GAB1: variants seen among roughly 807,000 people sequenced by gnomAD.
GAB1 encodes GRB2-associated-binding protein 1.
GAB1 carries 19 observed loss-of-function variants against 66.5 expected under a neutral mutation model. The observed-to-expected ratio is 0.29, with a 90% CI of 0.20 to 0.42. The LOEUF is 0.42. GAB1 is among the 10% of genes least tolerant of loss of function. The pLI, the probability that GAB1 is intolerant of heterozygous loss-of-function variation, is 1.00. For synonymous variants in GAB1, 294 were observed against 301.4 expected (o/e 0.98, Z 0.25); for missense variants, 732 against 858.5 (o/e 0.85, Z 1.84).
At chr4:143,425,985 T>A in intron 2 of GAB1, 1 of 678,180 alleles carries the variant, frequency 1.5e-6, no homozygotes, top group Non-Finnish European at 2.5e-6. Context: ...AGTATCTAAA[T>A]AAAAAAAATT....
chr4:143,369,569 G>A (rs1191907794), intron 1 of GAB1, among the ~76,000 whole-genome samples: 4 of 152,118 alleles, frequency 2.6e-5, no homozygotes, highest in Non-Finnish European at 4.4e-5. Flanking sequence ...AAAGTTTTGT[G>A]GTGTTTGCTG....
chr4:143,370,371 T>C (rs1730067085), intron 1 of GAB1, among the ~76,000 whole-genome samples: 1 of 152,140 alleles, frequency 6.6e-6, no homozygotes, highest in Non-Finnish European at 1.5e-5. Context: ...CTCCAGCCAT[T>C]GTCCCTTTTG....
intron 1 of GAB1, among the ~76,000 whole-genome samples, chr4:143,356,081 C>G (rs1013903680): frequency 2.0e-5 from 3 of 150,340 alleles, no homozygotes; most frequent in Non-Finnish European, 4.4e-5. Context: ...GGGTCGGGGC[C>G]GGGGGGAGAC....
intron 2 of GAB1, among the ~76,000 whole-genome samples, chr4:143,416,406 T>C (rs1732691046): frequency 6.6e-6 from 1 of 151,572 alleles, no homozygotes; most frequent in African/African-American, 2.4e-5. Context: ...AGACTCCGTC[T>C]CAAAAAAAAA....
intron 1 of GAB1, among the ~76,000 whole-genome samples, chr4:143,367,738 TTTTGGAGACAGAGTC>T (rs1729948796): frequency 6.7e-6 from 1 of 148,754 alleles, no homozygotes; most frequent in South Asian, 2.2e-4. Context: ...TTTTTTTTTT[TTTTGGAGACAGAGTC>T]TTGCTGTGTT....
At chr4:143,345,369 C>T (rs1014395822) in intron 1 of GAB1, among the ~76,000 whole-genome samples, 1 of 152,144 alleles carries the variant, frequency 6.6e-6, no homozygotes, top group African/African-American at 2.4e-5. Flanking sequence ...AAAACAATGT[C>T]CTAAGAGGAA....
intron 2 of GAB1, among the ~76,000 whole-genome samples, chr4:143,428,038 C>G (rs745904348): frequency 6.6e-6 from 1 of 152,206 alleles, no homozygotes; most frequent in Non-Finnish European, 1.5e-5. Context: ...AATATGTGCT[C>G]TTACCCACAT....
chr4:143,430,656 T>C (rs1009756193), intron 2 of GAB1, among the ~76,000 whole-genome samples: 1 of 152,232 alleles, frequency 6.6e-6, no homozygotes, highest in Admixed American at 6.5e-5. Flanking sequence ...GCCAAAATGA[T>C]GACTCAAATT....
intron 1 of GAB1, among the ~76,000 whole-genome samples, chr4:143,390,378 G>C (rs1331390825): frequency 6.6e-6 from 1 of 151,462 alleles, no homozygotes; most frequent in East Asian, 1.9e-4. Flanking sequence ...ATCTCAATTA[G>C]AGTGAGATAA....
At chr4:143,465,607 T>C (rs1223577467) in intron 8 of GAB1, among the ~76,000 whole-genome samples, 2 of 152,196 alleles carry the variant, frequency 1.3e-5, no homozygotes, top group Non-Finnish European at 2.9e-5. Flanking sequence ...ATACGTTCTT[T>C]AGAATGTATG....
intron 1 of GAB1, among the ~76,000 whole-genome samples, chr4:143,364,868 CTTTTTTTTTTTTTTTTTT>C (rs745401852): frequency 1.2e-5 from 1 of 86,770 alleles, no homozygotes; most frequent in Non-Finnish European, 2.2e-5. Context: ...CCTGCATCTA[CTTTTTTTTTTTTTTTTTT>C]TTTTTTTTGG....
intron 1 of GAB1, among the ~76,000 whole-genome samples, chr4:143,373,606 A>G (rs13119474): frequency 0.02 from 3,046 of 152,216 alleles, 46 homozygotes; most frequent in Non-Finnish European, 0.033. Flanking sequence ...AGGTAGGCAG[A>G]TCACTTGAGC....
chr4:143,382,717 T>G (rs970823668), intron 1 of GAB1, among the ~76,000 whole-genome samples: 1 of 152,094 alleles, frequency 6.6e-6, no homozygotes, highest in Admixed American at 6.5e-5. Flanking sequence ...TGGAGGATCA[T>G]ATGACCAATA....
chr4:143,441,165 A>T (rs943734585), intron 6 of GAB1, among the ~76,000 whole-genome samples: 7 of 152,198 alleles, frequency 4.6e-5, no homozygotes, highest in Non-Finnish European at 8.8e-5. Flanking sequence ...CTGTAAAAGA[A>T]ACTGTTCAGC....
At chr4:143,360,639 T>C (rs1296921242) in intron 1 of GAB1, among the ~76,000 whole-genome samples, 1 of 152,200 alleles carries the variant, frequency 6.6e-6, no homozygotes, top group Non-Finnish European at 1.5e-5. Context: ...TAAAAAAAGT[T>C]GTCTCGTGGG....
At chr4:143,360,676 T>G (rs564951259) in intron 1 of GAB1, among the ~76,000 whole-genome samples, 1 of 152,340 alleles carries the variant, frequency 6.6e-6, no homozygotes, top group Non-Finnish European at 1.5e-5. Context: ...TCCTGATGCT[T>G]GTTGTTAATA....
intron 1 of GAB1, among the ~76,000 whole-genome samples, chr4:143,399,156 A>C (rs1363161837): frequency 2.6e-5 from 4 of 152,246 alleles, no homozygotes; most frequent in African/African-American, 9.6e-5. Context: ...ATTCACGTCT[A>C]GGACATCTGA....
At chr4:143,466,480 C>CTTTTT (rs776557170) in intron 9 of GAB1, among the ~76,000 whole-genome samples, 10 of 67,264 alleles carry the variant, frequency 1.5e-4, no homozygotes, top group Non-Finnish European at 2.2e-4. Context: ...TTAACAAATT[C>CTTTTT]TTTTTTTTTT....
rs1364857990 is a variant in GAB1 at position 143,380,655 on chromosome 4, A to C, written c.73-34822A>C. On this transcript the variant is annotated intron_variant, in intron 1 of 9. Transcript: ENST00000262994. ...AGATTGGTCTTGAACTCCTGGCCTC[A>C]AGTGATCCTCTTTCCTTGCCCTCCC... is the stretch of plus-strand genomic sequence containing the variant. 8 of 152,202 alleles carry C rather than the reference A, an allele frequency of 5.3e-5. 1 individual carries two copies. In the East Asian group the frequency reaches 1.3e-3, roughly 26 times the overall value. 9.4% of individuals were successfully genotyped at this position (152,202 alleles called of 1,614,324 possible).
Sources: gnomAD v4.1 joint callset for allele counts (sites outside exome capture counted in the v4.1 genomes callset) on GRCh38, gnomAD v4.1.1 for gene constraint, MANE v1.5 for transcripts, NCBI Gene and HGNC (gene_info 2026-07-23, HGNC 2026-07-21) for gene names.